The following RNF19A variants were observed in gnomAD, a reference collection of about 807,000 sequenced individuals.
RNF19A encodes ring finger protein 19A, RBR E3 ubiquitin protein ligase, also known as E3 ubiquitin-protein ligase RNF19A.
In RNF19A, 32 loss-of-function variants were observed where a neutral mutation model predicts 75.7. The ratio of observed to expected loss-of-function variants is 0.42; its 90% confidence interval spans 0.32 to 0.57. The LOEUF (loss-of-function observed/expected upper bound fraction) is 0.57, where lower values mean the gene tolerates loss of function less well. Ranked by LOEUF, RNF19A falls within the 20% of genes least tolerant of loss-of-function variation. The pLI, the probability that RNF19A is intolerant of heterozygous loss-of-function variation, is 0.10. For synonymous variants in RNF19A, 335 were observed against 345.2 expected, an observed-to-expected ratio of 0.97 and a Z score of 0.33; for missense variants, 782 against 1,036.3, an observed-to-expected ratio of 0.75 and a Z score of 3.37.
intron 2 of RNF19A, among the ~76,000 whole-genome samples, chr8:100,280,633 GACA>G (rs1239676860): frequency 1.3e-5 from 2 of 152,158 alleles, no homozygotes; most frequent in East Asian, 1.9e-4. Context: ...TGTATAATCT[GACA>G]ACAAAAGTTA....
chr8:100,310,293 C>G (rs1371628291), upstream of RNF19A: 3 of 964,374 alleles, frequency 3.1e-6, no homozygotes, highest in East Asian at 3.4e-4. Context: ...CAGGAGCCGC[C>G]CCGCTGCACC....
rs1586705628 is a variant in RNF19A, at chr8:100,332,284, G to A, written c.-243+3824C>T. Among the ~76,000 whole-genome samples the A allele has an allele frequency of 6.6e-6, 1 of 152,086 alleles. No homozygotes were observed. The highest frequency in any genetic ancestry group is 1.5e-5 in the Non-Finnish European group (1 of 68,022). On this transcript the variant is annotated intron_variant, in intron 1 of 3. Transcript: ENST00000519527. The surrounding 1 kb of genome is among the most constrained non-coding windows in gnomAD (Gnocchi z 4.8). ...TGGTGGGAAGTGATTGGGTCATGGT[G>A]GTAATTTCCCCCATGTTGTTCTCAT...
intron 1 of RNF19A, among the ~76,000 whole-genome samples, chr8:100,318,817 G>A (rs1217575415): frequency 1.3e-5 from 2 of 152,232 alleles, no homozygotes; most frequent in Non-Finnish European, 2.9e-5. Context: ...CCCTCAGAGT[G>A]AAATCCTGTG....
rs764559027 is a variant in RNF19A, at chr8:100,330,651, ATTG to A, written c.-243+5454_-243+5456del. Among the ~76,000 whole-genome samples, 1 of 152,368 alleles carries A rather than the reference ATTG, an allele frequency of 6.6e-6. No homozygotes were observed. Among genetic ancestry groups the A allele is most frequent in the Admixed American group, 6.5e-5 (1 of 15,302 alleles). On this transcript the variant is annotated intron_variant, in intron 1 of 3. Transcript: ENST00000519527. The surrounding 1 kb of genome is among the most constrained non-coding windows in gnomAD (Gnocchi z 4.1). ...GAAAGAGAACGAATATCCTGATGATATTGTTGAGTCTCTGGACTTTCCAGTTAC... is the reference window on the plus strand; with the variant it reads ...GAAAGAGAACGAATATCCTGATGATATTGAGTCTCTGGACTTTCCAGTTAC...
At chr8:100,291,957 A>G (rs927895519) in intron 1 of RNF19A, among the ~76,000 whole-genome samples, 1 of 131,488 alleles carries the variant, frequency 7.6e-6, no homozygotes, top group Non-Finnish European at 1.6e-5. Context: ...GAACAGAAAG[A>G]GGACTAAGTC....
chr8:100,277,477 A>C (rs887913591), intron 2 of RNF19A, among the ~76,000 whole-genome samples: 4 of 152,164 alleles, frequency 2.6e-5, no homozygotes, highest in Admixed American at 2.0e-4. Flanking sequence ...ACGCCCAGCT[A>C]ATTTTTTTGC....
chr8:100,316,341 G>A (rs1822374669), intron 1 of RNF19A, among the ~76,000 whole-genome samples: 1 of 152,150 alleles, frequency 6.6e-6, no homozygotes, highest in African/African-American at 2.4e-5. Context: ...CCACAGTGTG[G>A]AAGGGGACCC....
At position 100,264,694 on chromosome 8, in the gene RNF19A, G is replaced by A; in HGVS notation, c.1283C>T (p.Pro428Leu). 1 of 1,612,508 alleles carries A rather than the reference G, an allele frequency of 6.2e-7. No homozygotes were observed. The change falls in exon 6 of 10, where the codon CCA becomes CTA. Residue 428 changes from proline (P) to leucine (L), a missense_variant. Transcript: ENST00000341084. This position sits in a 1 kb window ranked among gnomAD's most constrained non-coding sequence, Gnocchi z 4.7. ...ACCTACAGTCACTGCAGCTACTACT[G>A]GAGACACGATTACAGACAACGTTAC... ...GGVTLSVIVS[P>L]VVAAVTVGIG...
chr8:100,299,632 G>A (rs1049528932), intron 1 of RNF19A, among the ~76,000 whole-genome samples: 3 of 152,158 alleles, frequency 2.0e-5, no homozygotes, highest in South Asian at 2.1e-4. Flanking sequence ...GGTGGCACAT[G>A]CCTTTAATCC....
intron 2 of RNF19A, among the ~76,000 whole-genome samples, chr8:100,276,454 A>G (rs1030912292): frequency 4.6e-5 from 7 of 151,940 alleles, no homozygotes; most frequent in Non-Finnish European, 8.8e-5. Context: ...ACATGTGATT[A>G]TAAGAGAGCA....
chr8:100,305,781 C>T lies in RNF19A; in HGVS notation c.-94+4086G>A, dbSNP rs567071386. Among the ~76,000 whole-genome samples, 13 of 152,320 alleles carry T rather than the reference C, an allele frequency of 8.5e-5. No homozygotes were observed. The South Asian group carries it at 2.5e-3, about 29-fold the overall frequency. ...CACAGAGCTTGCATTAGCTCCTATA[C>T]TTCTGCACATTTCACATAGTCTCAT... is the stretch of plus-strand genomic sequence containing the variant. On this transcript the variant is annotated intron_variant, in intron 1 of 9. Transcript: ENST00000341084.
At position 100,332,057 on chromosome 8, in the gene RNF19A, T is replaced by C. The variant is rs956874852; in HGVS notation, c.-243+4051A>G. Among the ~76,000 whole-genome samples, 3 of 152,234 alleles carry C rather than the reference T, an allele frequency of 2.0e-5. No homozygotes were observed. Among genetic ancestry groups the C allele is most frequent in the Non-Finnish European group, 4.4e-5 (3 of 68,024 alleles). ...CCAATATTATGCTCCTACAAACATA[T>C]TTGTAAGAATTATCTGGGTTATATA... On this transcript the variant is annotated intron_variant, in intron 1 of 3. Transcript: ENST00000519527. This position sits in a 1 kb window ranked among gnomAD's most constrained non-coding sequence, Gnocchi z 4.8.
rs59885259 is a variant in RNF19A at position 100,333,080 on chromosome 8, G to GAA, written c.-243+3026_-243+3027dup. The stretch of plus-strand genomic sequence containing the variant: ...GTTCCTTCTTACCATTTCTAGTATG[G>GAA]AAAAAAAAAAGAACAAACCTAGGTT... On this transcript the variant is annotated intron_variant, in intron 1 of 3. Transcript: ENST00000519527. This position sits in a 1 kb window ranked among gnomAD's most constrained non-coding sequence, Gnocchi z 4.7. 3.2e-4 allele frequency among the ~76,000 whole-genome samples: 47 copies of GAA among 148,854 alleles called. No homozygotes were observed. Among genetic ancestry groups the GAA allele is most frequent in the African/African-American group, 1.1e-3 (46 of 40,612 alleles).
At chr8:100,283,263 T>C (rs1474381941) in intron 2 of RNF19A, among the ~76,000 whole-genome samples, 2 of 152,232 alleles carry the variant, frequency 1.3e-5, no homozygotes, top group Non-Finnish European at 2.9e-5. Flanking sequence ...ACAACAACTT[T>C]TTGCTCATCT....
intron 1 of RNF19A, among the ~76,000 whole-genome samples, chr8:100,294,330 A>G (rs1283971440): frequency 6.6e-6 from 1 of 152,168 alleles, no homozygotes; most frequent in African/African-American, 2.4e-5. Flanking sequence ...ACCCATGTTT[A>G]CCAATCCCTT....
rs978084105 is a variant in RNF19A at position 100,287,270 on chromosome 8, T to C, written c.674+231A>G. On this transcript the variant is annotated intron_variant, in intron 2 of 9. Coordinates refer to ENST00000341084, the MANE Select transcript of RNF19A (RefSeq NM_183419.4). The surrounding 1 kb of genome is among the most constrained non-coding windows in gnomAD (Gnocchi z 4.1). ...GATCCTGTACTCTACCACCTTACCC[T>C]TTCCTTCTAAAAGTGCTCAGTGAGT... Among the ~76,000 whole-genome samples the C allele has an allele frequency of 2.6e-5, 4 of 152,160 alleles. No homozygotes were observed. Among genetic ancestry groups the C allele is most frequent in the Non-Finnish European group, 4.4e-5 (3 of 68,018 alleles).
At chr8:100,281,208 C>T (rs984364488) in intron 2 of RNF19A, among the ~76,000 whole-genome samples, 1 of 152,106 alleles carries the variant, frequency 6.6e-6, no homozygotes, top group African/African-American at 2.4e-5. Flanking sequence ...GTGGGGAAGA[C>T]AGGAAGGGGC....
At position 100,261,850 on chromosome 8, in the gene RNF19A, G is replaced by T; in HGVS notation, c.1469-95C>A. 8.0e-7 allele frequency: 1 copy of T among 1,257,474 alleles called. No homozygotes were observed. The highest frequency in any genetic ancestry group is 1.2e-6 in the Non-Finnish European group (1 of 867,732). The allele number at this position is 1,257,474 out of a possible 1,614,324, so 77.9% of individuals were successfully genotyped here. On this transcript the variant is annotated intron_variant, in intron 7 of 9. Transcript: ENST00000341084. This position sits in a 1 kb window ranked among gnomAD's most constrained non-coding sequence, Gnocchi z 4.4. Reference sequence around the variant, plus strand: ...TGATTTCAGAGAGGACATTATATAAGGTATAAAATATACGCAGACATGGAA... The same window carrying T: ...TGATTTCAGAGAGGACATTATATAATGTATAAAATATACGCAGACATGGAA...
At position 100,330,782 on chromosome 8, in the gene RNF19A, C is replaced by T. The variant is rs1255741260; in HGVS notation, c.-243+5326G>A. ...TTCAGTTTCTAACTTCTCTCCTTCT[C>T]TCTCCTTCCCATGGCTTCTAAGGCC... On this transcript the variant is annotated intron_variant, in intron 1 of 3. Coordinates refer to the RNF19A transcript ENST00000519527. The surrounding 1 kb of genome is among the most constrained non-coding windows in gnomAD (Gnocchi z 4.1). Among the ~76,000 whole-genome samples the T allele has an allele frequency of 3.9e-5, 6 of 152,210 alleles. No individual in the cohort carries two copies. Among genetic ancestry groups the T allele is most frequent in the Admixed American group, 1.3e-4 (2 of 15,288 alleles).
Sources: gnomAD v4.1 joint callset for allele counts (sites outside exome capture counted in the v4.1 genomes callset) on GRCh38, gnomAD v4.1.1 for gene constraint, Gnocchi (gnomAD v3.1) non-coding constraint, MANE v1.5 for transcripts, NCBI Gene and HGNC (gene_info 2026-07-23, HGNC 2026-07-21) for gene names.